Variants in PLXDC1 observed in about 807,000 individuals in gnomAD.
PLXDC1 encodes the protein plexin domain-containing protein 1.
PLXDC1 carries 39 observed loss-of-function variants against 61.3 expected under a neutral mutation model. The ratio of observed to expected loss-of-function variants is 0.64; its 90% CI spans 0.49 to 0.83. PLXDC1 has a LOEUF of 0.83. PLXDC1 is among the 40% of genes least tolerant of loss of function. PLXDC1 has a pLI of 0.00. For synonymous variants in PLXDC1, 212 were observed against 254.5 expected (o/e 0.83, Z 1.59); for missense variants, 596 against 666.5 (o/e 0.89, Z 1.17).
rs770622292 is a variant in PLXDC1, at chr17:39,064,099, A to C, written c.*3741T>G. On this transcript the variant is annotated 3_prime_UTR_variant, in exon 14 of 14. Transcript: ENST00000315392. ...CCTGTGTGTGCATATCTTATTGCTC[A>C]AAACATTAAACAAGGCTGTATACAA... 1 of 154,256 alleles carries C rather than the reference A, an allele frequency of 6.5e-6. No individual in the cohort carries two copies. Among genetic ancestry groups the C allele is most frequent in the Non-Finnish European group, 1.4e-5 (1 of 69,304 alleles). 9.6% of individuals were successfully genotyped at this position (154,256 alleles called of 1,614,324 possible). A position where few individuals can be genotyped will look rare whatever the true frequency, so the allele number is the denominator to read the frequency against.
chr17:39,077,180 A>T (rs1802806871), intron 11 of PLXDC1, among the ~76,000 whole-genome samples: 1 of 152,112 alleles, frequency 6.6e-6, no homozygotes, highest in Non-Finnish European at 1.5e-5. Context: ...GATGCAGGGT[A>T]TTGAAAAAGG....
intron 2 of PLXDC1, among the ~76,000 whole-genome samples, chr17:39,134,626 T>C (rs1456803360): frequency 2.8e-5 from 3 of 105,612 alleles, no homozygotes; most frequent in African/African-American, 4.4e-5. Context: ...ACTTTGTCTC[T>C]AAAAAAAAAA....
chr17:39,083,560 G>A lies in PLXDC1; in HGVS notation c.908-20C>T, dbSNP rs1489723700. On this transcript the variant is annotated intron_variant, in intron 8 of 13. Transcript: ENST00000315392. Reference sequence around the variant, plus strand: ...GGCAGGCTGCAAGAGAGAAGGCAGTGGCCGCTCAGCACCGAGCCTCTCCTT... The same window carrying A: ...GGCAGGCTGCAAGAGAGAAGGCAGTAGCCGCTCAGCACCGAGCCTCTCCTT... 2 of 1,590,822 alleles carry A rather than the reference G, an allele frequency of 1.3e-6. No individual in the cohort carries two copies. The highest frequency in any genetic ancestry group is 2.3e-5 in the East Asian group (1 of 43,730).
At chr17:39,149,534 C>T (rs756928587) in intron 1 of PLXDC1, among the ~76,000 whole-genome samples, 6 of 152,238 alleles carry the variant, frequency 3.9e-5, no homozygotes, top group Admixed American at 1.3e-4. Context: ...AGTCTAACCT[C>T]TATCCCTCCT....
chr17:39,152,868 C>T, upstream of PLXDC1: 1 of 427,696 alleles, frequency 2.3e-6, no homozygotes, highest in Non-Finnish European at 3.9e-6. Flanking sequence ...CTCCTTCCGC[C>T]GGGCCCAGAG....
intron 6 of PLXDC1, among the ~76,000 whole-genome samples, 193 bp downstream of exon 6, chr17:39,107,214 T>G (rs1910625952): frequency 6.6e-6 from 1 of 152,200 alleles, no homozygotes; most frequent in Admixed American, 6.5e-5. Flanking sequence ...TGATTCTACA[T>G]TTGTCCCTGT....
chr17:39,097,252 G>A (rs1459170716), intron 7 of PLXDC1, among the ~76,000 whole-genome samples: 1 of 152,224 alleles, frequency 6.6e-6, no homozygotes, highest in Admixed American at 6.5e-5. Flanking sequence ...CACAAGGACA[G>A]TGACGCCACC....
intron 2 of PLXDC1, among the ~76,000 whole-genome samples, chr17:39,126,122 C>T (rs941490520): frequency 1.3e-5 from 2 of 152,074 alleles, no homozygotes; most frequent in African/African-American, 2.4e-5. Flanking sequence ...GATGTGGTGG[C>T]GCATGCCTGT....
intron 11 of PLXDC1, among the ~76,000 whole-genome samples, chr17:39,077,017 G>A (rs1909364573): frequency 6.6e-6 from 1 of 152,148 alleles, no homozygotes; most frequent in Admixed American, 6.6e-5. Flanking sequence ...ACAAGCGTGA[G>A]CCACCGCGCC....
intron 7 of PLXDC1, among the ~76,000 whole-genome samples, chr17:39,099,358 G>A (rs1910337742): frequency 6.6e-6 from 1 of 152,172 alleles, no homozygotes; most frequent in Non-Finnish European, 1.5e-5. Flanking sequence ...TCCACAGCTT[G>A]ATCAGGCACA....
At chr17:39,128,450 C>A (rs1373292173) in intron 2 of PLXDC1, among the ~76,000 whole-genome samples, 1 of 151,252 alleles carries the variant, frequency 6.6e-6, no homozygotes, top group Non-Finnish European at 1.5e-5. Flanking sequence ...AAACTCCTGA[C>A]CTCAGATGAT....
At position 39,128,089 on chromosome 17, in the gene PLXDC1, C is replaced by CACATA. The variant is rs1221469686; in HGVS notation, c.255+11564_255+11565insTATGT. ...TCTGTCTCTCTCTCTCTCTCTCTCT[C>CACATA]TCTATGTGTATATATATATATATAT... On this transcript the variant is annotated intron_variant, in intron 2 of 13. Coordinates refer to ENST00000315392, the MANE Select transcript of PLXDC1 (RefSeq NM_020405.5). Among the ~76,000 whole-genome samples the CACATA allele has an allele frequency of 3.3e-4, 23 of 68,780 alleles. 3 individuals are homozygous for CACATA. Among genetic ancestry groups the CACATA allele is most frequent in the East Asian group, 5.3e-4 (1 of 1,874 alleles). 45.1% of individuals were successfully genotyped at this position (68,780 alleles called of 152,430 possible).
At chr17:39,117,445 A>G (rs1911011086) in intron 2 of PLXDC1, among the ~76,000 whole-genome samples, 1 of 152,162 alleles carries the variant, frequency 6.6e-6, no homozygotes, top group African/African-American at 2.4e-5. Flanking sequence ...TGCCATCTGA[A>G]TCCAACCAAT....
chr17:39,070,026 G>A lies in PLXDC1; in HGVS notation c.1223-10C>T. On this transcript the variant is annotated splice_polypyrimidine_tract_variant and intron_variant, in intron 12 of 13. Transcript: ENST00000315392. ...AGGTTGTTCTGAAGGCCTGTGGAGA[G>A]ATCATTAGGGCAGACAGGGGCTGCA... The A allele has an allele frequency of 6.2e-7, 1 of 1,608,198 alleles. No homozygotes were observed. Among genetic ancestry groups the A allele is most frequent in the South Asian group, 1.1e-5 (1 of 90,726 alleles).
intron 1 of PLXDC1, among the ~76,000 whole-genome samples, chr17:39,149,683 C>A (rs1057347043): frequency 3.3e-5 from 5 of 152,192 alleles, no homozygotes; most frequent in Non-Finnish European, 5.9e-5. Context: ...TACCCCAACC[C>A]TACTCTGAAG....
intron 2 of PLXDC1, among the ~76,000 whole-genome samples, chr17:39,137,861 T>C (rs1468795856): frequency 6.6e-6 from 1 of 150,384 alleles, no homozygotes; most frequent in East Asian, 2.0e-4. Flanking sequence ...CTGGGCGGGA[T>C]TGGAGTGCAG....
chr17:39,145,851 T>G (rs1013947053), intron 1 of PLXDC1, among the ~76,000 whole-genome samples: 7 of 152,116 alleles, frequency 4.6e-5, no homozygotes, highest in Non-Finnish European at 7.4e-5. Flanking sequence ...AGACTCAGTT[T>G]CCTCATCTGT....
intron 2 of PLXDC1, among the ~76,000 whole-genome samples, chr17:39,122,335 C>T (rs913592884): frequency 3.6e-5 from 5 of 139,372 alleles, no homozygotes; most frequent in Admixed American, 7.7e-5. Context: ...AGCCAAATCG[C>T]ACCACTGCAC....
chr17:39,066,117 G>A lies in PLXDC1; in HGVS notation c.*1723C>T, dbSNP rs1394318041. ...TCTAGCCACCCGACTTGTCTTTAAT[G>A]CCTATAAAATCCAGTTCAGAGGAGG... On this transcript the variant is annotated 3_prime_UTR_variant, in exon 14 of 14. Transcript: ENST00000315392. 6.6e-6 allele frequency: 1 copy of A among 152,252 alleles called. No individual in the cohort carries two copies. Among genetic ancestry groups the A allele is most frequent in the East Asian group, 1.9e-4 (1 of 5,198 alleles). The allele number at this position is 152,252 out of a possible 1,614,324, so 9.4% of individuals were successfully genotyped here. A position where few individuals can be genotyped will look rare whatever the true frequency, so the allele number is the denominator to read the frequency against.
Sources: allele counts gnomAD v4.1 joint callset (sites outside exome capture counted in the v4.1 genomes callset), GRCh38; gene constraint gnomAD v4.1.1; transcripts MANE v1.5; gene names NCBI Gene and HGNC (gene_info 2026-07-23, HGNC 2026-07-21).